The following HUNK variants were observed in gnomAD, a reference collection of about 807,000 sequenced individuals.
HUNK encodes hormonally up-regulated Neu-associated kinase, also known as hormonally up-regulated neu tumor-associated kinase.
In HUNK, 21 loss-of-function variants were observed where a neutral mutation model predicts 61.0. The ratio of observed to expected loss-of-function variants is 0.34; its 90% CI spans 0.24 to 0.50. The LOEUF is 0.50. Ranked by LOEUF, HUNK falls within the 20% of genes least tolerant of loss-of-function variation. The pLI, the probability that HUNK is intolerant of heterozygous loss-of-function variation, is 0.98. For synonymous variants in HUNK, 371 were observed against 386.1 expected, an observed-to-expected ratio of 0.96 and a Z score of 0.46; for missense variants, 772 against 945.7, an observed-to-expected ratio of 0.82 and a Z score of 2.41.
At chr21:31,892,180 T>TATATAG (rs1457688299) in intron 1 of HUNK, among the ~76,000 whole-genome samples, 8 of 109,720 alleles carry the variant, frequency 7.3e-5, no homozygotes, top group African/African-American at 2.1e-4. Flanking sequence ...TATATATATA[T>TATATAG]AGAGAGAGAG....
chr21:31,887,828 C>T (rs189352174), intron 1 of HUNK, among the ~76,000 whole-genome samples: 1 of 152,236 alleles, frequency 6.6e-6, no homozygotes, highest in East Asian at 1.9e-4. Flanking sequence ...TTAGCGATTC[C>T]CTTGTCTACC....
In HUNK at chr21:31,909,349, G is replaced by T. The variant is rs75678832; in HGVS notation, c.262-15119G>T. 3.0e-4 allele frequency among the ~76,000 whole-genome samples: 46 copies of T among 152,290 alleles called. No homozygotes were observed. In the East Asian group the frequency reaches 7.7e-3, roughly 26 times the overall value. ...AGGGTGATCTGCTTACTGAATTGGGGCTGGAGCCCAGGCGCAGAGGATCCC... is the reference window on the plus strand; with the variant it reads ...AGGGTGATCTGCTTACTGAATTGGGTCTGGAGCCCAGGCGCAGAGGATCCC... On this transcript the variant is annotated intron_variant, in intron 1 of 10. Transcript: ENST00000270112.
chr21:31,960,072 GTTTTAGAGC>G (rs914611965), intron 5 of HUNK, among the ~76,000 whole-genome samples: 2 of 152,226 alleles, frequency 1.3e-5, no homozygotes, highest in East Asian at 1.9e-4. Context: ...TCATATTTAA[GTTTTAGAGC>G]TTTCAGAAAT....
At chr21:31,912,241 A>T (rs996766587) in intron 1 of HUNK, among the ~76,000 whole-genome samples, 1 of 152,128 alleles carries the variant, frequency 6.6e-6, no homozygotes, top group African/African-American at 2.4e-5. Context: ...TGGACACTGG[A>T]CACGCCAGGT....
chr21:31,990,036 C>T, intron 8 of HUNK, 93 bp from the exon 9 acceptor site: 1 of 1,165,198 alleles, frequency 8.6e-7, no homozygotes, highest in Non-Finnish European at 1.3e-6. Flanking sequence ...ACGAATAATT[C>T]TCAACCAGAG....
chr21:31,969,981 AG>A (rs2052998900), intron 6 of HUNK, among the ~76,000 whole-genome samples: 1 of 152,210 alleles, frequency 6.6e-6, no homozygotes, highest in South Asian at 2.1e-4. Context: ...ACGTGGGTTC[AG>A]TACCTTCCAA....
At chr21:31,991,620 G>A (rs746390128) in intron 9 of HUNK, among the ~76,000 whole-genome samples, 1 of 152,194 alleles carries the variant, frequency 6.6e-6, no homozygotes, top group Non-Finnish European at 1.5e-5. Context: ...ACCAGCCAAC[G>A]ACATCTGGGC....
intron 1 of HUNK, among the ~76,000 whole-genome samples, chr21:31,904,591 T>C (rs1229933428): frequency 6.6e-6 from 1 of 152,224 alleles, no homozygotes; most frequent in Admixed American, 6.5e-5. Context: ...TTGGGATTGT[T>C]GGCGTTTCCT....
Position 31,887,003 on chromosome 21 carries a change from G to T in HUNK, c.261+13068G>T, listed in dbSNP as rs375797643. On this transcript the variant is annotated intron_variant, in intron 1 of 10. Transcript: ENST00000270112. Reference sequence around the variant, plus strand: ...CCAAGACATGTGGACAGCCTTCTAGGGGGTAATGTCCAAGTTGGCAGGCTC... The same window carrying T: ...CCAAGACATGTGGACAGCCTTCTAGTGGGTAATGTCCAAGTTGGCAGGCTC... Among the ~76,000 whole-genome samples, 68 of 152,278 alleles carry T rather than the reference G, an allele frequency of 4.5e-4. 3 individuals are homozygous for T. The South Asian group carries it at 0.014, about 31-fold the overall frequency.
At chr21:31,978,206 C>CA (rs944554333) in intron 7 of HUNK, among the ~76,000 whole-genome samples, 7 of 151,672 alleles carry the variant, frequency 4.6e-5, no homozygotes, top group Non-Finnish European at 8.8e-5. Flanking sequence ...TTTAATTGAC[C>CA]AAAAAAATGG....
At chr21:31,958,385 G>A (rs917524307) in intron 4 of HUNK, among the ~76,000 whole-genome samples, 4 of 151,882 alleles carry the variant, frequency 2.6e-5, no homozygotes, top group Admixed American at 1.3e-4. Context: ...TGCAACCTCC[G>A]CCTCCTGGGT....
chr21:31,876,500 T>G (rs996978542), intron 1 of HUNK, among the ~76,000 whole-genome samples: 1 of 152,166 alleles, frequency 6.6e-6, no homozygotes, highest in Non-Finnish European at 1.5e-5. Context: ...CTGAGAAAGA[T>G]TGCTAAATTA....
intron 1 of HUNK, among the ~76,000 whole-genome samples, chr21:31,904,361 G>A (rs1304373082): frequency 6.6e-6 from 1 of 152,122 alleles, no homozygotes; most frequent in Non-Finnish European, 1.5e-5. Flanking sequence ...ACTGAAAGCA[G>A]CTGAGAAAAT....
chr21:31,873,120 T>A lies in HUNK; in HGVS notation c.-555T>A, dbSNP rs2052226423. On this transcript the variant is annotated 5_prime_UTR_variant, in exon 1 of 11. Transcript: ENST00000270112. This position sits in a 1 kb window ranked among gnomAD's most constrained non-coding sequence, Gnocchi z 6.1. ...TCTGCAAATTCAAACTGAATGGGGC[T>A]TTCTTCTGCTGCCTTCCAGAGGGCG... is the stretch of plus-strand genomic sequence containing the variant. 6.6e-6 allele frequency among the ~76,000 whole-genome samples: 1 copy of A among 152,100 alleles called. No homozygotes were observed.
intron 2 of HUNK, among the ~76,000 whole-genome samples, chr21:31,929,988 G>A (rs1354491667): frequency 6.6e-6 from 1 of 152,218 alleles, no homozygotes; most frequent in Admixed American, 6.5e-5. Context: ...CTTCTGCTGA[G>A]AGCAAGCACA....
At chr21:31,878,302 T>C (rs1778725936) in intron 1 of HUNK, among the ~76,000 whole-genome samples, 1 of 148,536 alleles carries the variant, frequency 6.7e-6, no homozygotes, top group African/African-American at 2.5e-5. Context: ...TAAATTTCCA[T>C]AAACGTTAAA....
chr21:31,958,309 T>TC (rs199761777), intron 4 of HUNK, among the ~76,000 whole-genome samples: 1 of 151,874 alleles, frequency 6.6e-6, no homozygotes. Context: ...TTTCTTTCTT[T>TC]TTTTTTGAGA....
At chr21:31,935,115 G>A (rs535471728) in intron 2 of HUNK, among the ~76,000 whole-genome samples, 260 of 152,298 alleles carry the variant, frequency 1.7e-3, no homozygotes, top group Admixed American at 3.3e-3. Context: ...TGGACTCAGG[G>A]ACATAACTTC....
chr21:31,953,243 C>CT (rs397948129), intron 4 of HUNK, among the ~76,000 whole-genome samples: 2,052 of 134,828 alleles, frequency 0.015, 34 homozygotes, highest in African/African-American at 0.041. Context: ...GGTTTCCATT[C>CT]TTTTTTTTTT....
Sources: gnomAD v4.1 joint callset for allele counts (sites outside exome capture counted in the v4.1 genomes callset) on GRCh38, gnomAD v4.1.1 for gene constraint, Gnocchi (gnomAD v3.1) non-coding constraint, MANE v1.5 for transcripts, NCBI Gene and HGNC (gene_info 2026-07-23, HGNC 2026-07-21) for gene names.